Variants in SBF2 observed in about 807,000 individuals in gnomAD.
SBF2 encodes the protein myotubularin-related protein 13.
A neutral mutation model predicts 225.2 loss-of-function variants in SBF2; 112 were observed. The observed-to-expected ratio is 0.50, with a 90% CI of 0.43 to 0.58. SBF2 has a LOEUF of 0.58. Among genes scored for constraint, SBF2 ranks in the 20% least tolerant of loss-of-function variants. The pLI, the probability that SBF2 is intolerant of heterozygous loss-of-function variation, is 0.00. For synonymous variants in SBF2, 763 were observed against 773.3 expected (o/e 0.99, Z 0.22); for missense variants, 1,996 against 2,206.2 (o/e 0.90, Z 1.91).
At chr11:10,046,879 C>CA (rs34571490) in intron 2 of SBF2, among the ~76,000 whole-genome samples, 33,705 of 99,462 alleles carry the variant, frequency 0.34, 4,707 homozygotes, top group East Asian at 0.4. Context: ...TCTGAAAGGA[C>CA]AAAAAAAAAA....
chr11:10,066,722 G>T (rs900119974), intron 2 of SBF2, among the ~76,000 whole-genome samples: 1 of 152,050 alleles, frequency 6.6e-6, no homozygotes, highest in East Asian at 1.9e-4. Flanking sequence ...AGATAGGCAC[G>T]TCTTCTATCA....
intron 1 of SBF2, among the ~76,000 whole-genome samples, chr11:10,268,484 A>G (rs1377842409): frequency 6.6e-6 from 1 of 152,218 alleles, no homozygotes; most frequent in African/African-American, 2.4e-5. Context: ...CAATGGATCA[A>G]CGAAAAAGAT....
At chr11:9,898,967 G>A (rs1861498866) in intron 16 of SBF2, among the ~76,000 whole-genome samples, 1 of 151,966 alleles carries the variant, frequency 6.6e-6, no homozygotes, top group Non-Finnish European at 1.5e-5. Context: ...GATGGGGAAG[G>A]AGAACTGGTG....
intron 1 of SBF2, among the ~76,000 whole-genome samples, chr11:10,248,280 G>T (rs1960002941): frequency 6.6e-6 from 1 of 152,216 alleles, no homozygotes; most frequent in Non-Finnish European, 1.5e-5. Context: ...AAGTCAAAAA[G>T]TCTAAGCATG....
At chr11:10,096,597 G>C (rs1952036745) in intron 2 of SBF2, among the ~76,000 whole-genome samples, 1 of 151,994 alleles carries the variant, frequency 6.6e-6, no homozygotes, top group Non-Finnish European at 1.5e-5. Context: ...TTAGAATAAA[G>C]TAATTATGCA....
Position 9,989,525 on chromosome 11 carries a change from C to G in SBF2, c.1367G>C (p.Arg456Thr). The G allele has an allele frequency of 1.9e-6, 3 of 1,605,830 alleles. No homozygotes were observed. Among genetic ancestry groups the G allele is most frequent in the Non-Finnish European group, 2.6e-6 (3 of 1,173,280 alleles). The change falls in exon 13 of 40, where the codon AGG (arginine) becomes ACG (threonine). Residue 456 changes from arginine to threonine, a missense_variant. Transcript: ENST00000256190. ...TTTGAATAGTTGCTCAGCAAGTTCC[C>G]TGACATGCTTTATCATCTTCACTGG... ...NNPVKMIKHV[R>T]ELAEQLFKNE... is the part of the protein sequence containing the mutation.
intron 2 of SBF2, among the ~76,000 whole-genome samples, chr11:10,139,410 G>C (rs1319922966): frequency 6.6e-6 from 1 of 152,126 alleles, no homozygotes; most frequent in African/African-American, 2.4e-5. Context: ...AAAGACTGTA[G>C]TCACTAGATA....
chr11:9,806,038 C>A (rs187326543), intron 32 of SBF2, among the ~76,000 whole-genome samples: 60 of 152,308 alleles, frequency 3.9e-4, no homozygotes, highest in African/African-American at 1.3e-3. Context: ...ATTCCAGAGA[C>A]TGAAACTGTA....
At chr11:9,835,728 T>C (rs1424768478) in intron 26 of SBF2, among the ~76,000 whole-genome samples, 1 of 151,854 alleles carries the variant, frequency 6.6e-6, no homozygotes, top group Non-Finnish European at 1.5e-5. Flanking sequence ...ACAGAGTTTA[T>C]TCTTTCATGT....
chr11:9,903,570 C>G lies in SBF2; in HGVS notation c.1861-7559G>C, dbSNP rs542362434. Among the ~76,000 whole-genome samples the G allele has an allele frequency of 2.0e-5, 3 of 152,202 alleles. No individual in the cohort carries two copies. The East Asian group carries it at 5.8e-4, about 29-fold the overall frequency. On this transcript the variant is annotated intron_variant, in intron 16 of 39. Transcript: ENST00000256190. ...AAAGAGACCGAGGCAAGTTTCAGAG[C>G]AGGAGTGGAAGTTTATTTTAAAAAG...
chr11:9,932,957 CA>C (rs574177096), intron 16 of SBF2, among the ~76,000 whole-genome samples: 30,497 of 59,446 alleles, frequency 0.51, 5,906 homozygotes, highest in Admixed American at 0.59. Context: ...AAACGAAAAG[CA>C]AAAAAAAAAA....
upstream of SBF2, among the ~76,000 whole-genome samples, chr11:10,296,912 T>G (rs1216081941): frequency 2.0e-5 from 3 of 152,220 alleles, no homozygotes; most frequent in Admixed American, 1.3e-4. Flanking sequence ...TAGTGTGAAG[T>G]GATATCTCAT....
chr11:9,797,061 CAT>C (rs1407772065), intron 32 of SBF2, among the ~76,000 whole-genome samples: 1 of 152,172 alleles, frequency 6.6e-6, no homozygotes, highest in Non-Finnish European at 1.5e-5. Flanking sequence ...AAGTTCCAAT[CAT>C]AATTGTACTT....
At position 10,142,752 on chromosome 11, in the gene SBF2, T is replaced by C. The variant is rs547838311; in HGVS notation, c.141+51150A>G. Reference sequence around the variant, plus strand: ...ATAGGCTATAATTCTATAAAACCACTGATACTTAGCACTTCCCTACAAATC... The same window carrying C: ...ATAGGCTATAATTCTATAAAACCACCGATACTTAGCACTTCCCTACAAATC... On this transcript the variant is annotated intron_variant, in intron 2 of 39. Transcript: ENST00000256190. 2.0e-5 allele frequency among the ~76,000 whole-genome samples: 3 copies of C among 152,352 alleles called. No individual in the cohort carries two copies. The South Asian group carries it at 6.2e-4, about 32-fold the overall frequency.
At chr11:10,173,277 C>G (rs978093837) in intron 2 of SBF2, among the ~76,000 whole-genome samples, 2 of 152,196 alleles carry the variant, frequency 1.3e-5, no homozygotes, top group South Asian at 2.1e-4. Flanking sequence ...GAGTGCCAGA[C>G]AGTGGGCACA....
chr11:10,001,550 A>C (rs1947958678), intron 7 of SBF2, among the ~76,000 whole-genome samples: 1 of 151,072 alleles, frequency 6.6e-6, no homozygotes, highest in African/African-American at 2.4e-5. Flanking sequence ...TTTGAGATGG[A>C]GTCTCACGCT....
At position 9,812,881 on chromosome 11, in the gene SBF2, C is replaced by G. The variant is rs4910506; in HGVS notation, c.3979-173G>C. The G allele has an allele frequency of 0.83, 568,661 of 682,690 alleles. 242,369 individuals carry two copies. Among genetic ancestry groups the G allele is most frequent in the Non-Finnish European group, 0.89 (344,672 of 388,866 alleles). The allele number at this position is 682,690 out of a possible 1,614,324, so 42.3% of individuals were successfully genotyped here. A position where few individuals can be genotyped will look rare whatever the true frequency, so the allele number is the denominator to read the frequency against. ...AGCAATGTGTCAGTGTTGGTGGGAA[C>G]AGCCATTCAGTACAAGCTAGTGGTT... On this transcript the variant is annotated intron_variant, in intron 29 of 39. Transcript: ENST00000256190.
intron 1 of SBF2, among the ~76,000 whole-genome samples, chr11:10,265,826 A>C (rs1275125664): frequency 6.6e-6 from 1 of 152,030 alleles, no homozygotes; most frequent in African/African-American, 2.4e-5. Context: ...AGTAGATGGG[A>C]TCACAGGTGC....
chr11:9,987,248 C>A (rs973521189), intron 13 of SBF2, among the ~76,000 whole-genome samples: 8 of 152,158 alleles, frequency 5.3e-5, no homozygotes, highest in African/African-American at 1.9e-4. Context: ...AAGCTCTCAG[C>A]AGAACTGGCA....
Sources: gnomAD v4.1 joint callset for allele counts (sites outside exome capture counted in the v4.1 genomes callset) on GRCh38, gnomAD v4.1.1 for gene constraint, MANE v1.5 for transcripts, NCBI Gene and HGNC (gene_info 2026-07-23, HGNC 2026-07-21) for gene names.